The following ACTR3C variants were observed in gnomAD, a reference collection of about 807,000 sequenced individuals.
ACTR3C encodes the protein actin-related protein 3C.
Under a neutral mutation model 26.3 loss-of-function variants are expected in ACTR3C, and 18 were observed. That is an observed-to-expected ratio of 0.68 (90% CI 0.47 to 1.01). The LOEUF (loss-of-function observed/expected upper bound fraction) is 1.01. Among genes scored for constraint, ACTR3C ranks in the 50% least tolerant of loss-of-function variants. The pLI, the probability that ACTR3C is intolerant of heterozygous loss-of-function variation, is 0.00. For missense variants in ACTR3C, 184 were observed against 250.7 expected (o/e 0.73, Z 1.80); for synonymous variants, 55 against 94.5 (o/e 0.58, Z 2.42).
the ACTR3C span, among the ~76,000 whole-genome samples, chr7:150,105,339 C>G: frequency 6.6e-6 from 1 of 152,074 alleles, no homozygotes; most frequent in East Asian, 1.9e-4. Flanking sequence ...GCCTCGGCCT[C>G]CCAAAGTGCT....
the ACTR3C span, among the ~76,000 whole-genome samples, chr7:150,220,033 T>C: frequency 6.8e-6 from 1 of 146,976 alleles, no homozygotes; most frequent in Non-Finnish European, 1.5e-5. Flanking sequence ...GCCCTGCTGC[T>C]GGCCGCGGGT....
At chr7:150,098,191 G>A in the ACTR3C span, among the ~76,000 whole-genome samples, 83 of 151,708 alleles carry the variant, frequency 5.5e-4, 3 homozygotes, top group Non-Finnish European at 1.0e-3. Flanking sequence ...GACTGACCCC[G>A]TACAATAATG....
chr7:150,021,952 A>G, the ACTR3C span, among the ~76,000 whole-genome samples: 1 of 151,864 alleles, frequency 6.6e-6, no homozygotes, highest in Non-Finnish European at 1.5e-5. Flanking sequence ...TCTTTTTCAT[A>G]TAATGACTTA....
the ACTR3C span, among the ~76,000 whole-genome samples, chr7:150,190,494 A>G: frequency 5.3e-5 from 8 of 152,224 alleles, no homozygotes; most frequent in Non-Finnish European, 1.2e-4. Flanking sequence ...AAATTTTCAT[A>G]GATTAAATTT....
the ACTR3C span, among the ~76,000 whole-genome samples, chr7:150,154,229 TA>T: frequency 2.6e-5 from 4 of 151,962 alleles, no homozygotes; most frequent in South Asian, 2.1e-4. Flanking sequence ...ATAATAATAA[TA>T]AAAAAAATTT....
At chr7:150,048,846 C>T in the ACTR3C span, among the ~76,000 whole-genome samples, 1 of 152,258 alleles carries the variant, frequency 6.6e-6, no homozygotes, top group African/African-American at 2.4e-5. Context: ...CGAAACCGCC[C>T]CTTCCCTTCG....
the ACTR3C span, among the ~76,000 whole-genome samples, chr7:150,109,250 C>T: frequency 6.6e-6 from 1 of 151,856 alleles, no homozygotes; most frequent in African/African-American, 2.4e-5. Flanking sequence ...TACTAAAAAC[C>T]TACAAAGGAA....
chr7:150,011,979 C>G, the ACTR3C span, among the ~76,000 whole-genome samples: 1 of 152,094 alleles, frequency 6.6e-6, no homozygotes, highest in Non-Finnish European at 1.5e-5. Context: ...GTACAAGAGG[C>G]GAGAGAGTTT....
At chr7:150,249,790 T>C (rs1406445213) in intron 6 of ACTR3C, among the ~76,000 whole-genome samples, 3 of 152,146 alleles carry the variant, frequency 2.0e-5, no homozygotes, top group Non-Finnish European at 1.5e-5. Flanking sequence ...TATTTGATGT[T>C]TGAAGCAAAA....
At chr7:150,214,563 C>T in the ACTR3C span, among the ~76,000 whole-genome samples, 1 of 151,662 alleles carries the variant, frequency 6.6e-6, no homozygotes, top group African/African-American at 2.4e-5. Context: ...GCCTCAGAGA[C>T]CTGTAAAGCA....
At chr7:150,272,678 T>G (rs1418602784) in intron 6 of ACTR3C, among the ~76,000 whole-genome samples, 2 of 128,880 alleles carry the variant, frequency 1.6e-5, no homozygotes, top group Non-Finnish European at 3.0e-5. Context: ...GTCTTTTTTG[T>G]GTGTTTTTTT....
chr7:150,023,340 T>TAC, the ACTR3C span, among the ~76,000 whole-genome samples: 163 of 93,274 alleles, frequency 1.7e-3, no homozygotes, highest in Middle Eastern at 0.011. Flanking sequence ...CATACATACA[T>TAC]ATATATTTTA....
the ACTR3C span, among the ~76,000 whole-genome samples, chr7:149,902,911 C>T: frequency 2.1e-4 from 13 of 63,322 alleles, no homozygotes; most frequent in African/African-American, 4.7e-4. Flanking sequence ...AGCCACTACA[C>T]TCCAGCCTTA....
At chr7:150,148,481 G>A in the ACTR3C span, among the ~76,000 whole-genome samples, 20 of 151,444 alleles carry the variant, frequency 1.3e-4, no homozygotes, top group Non-Finnish European at 2.2e-4. Flanking sequence ...TGTCTCGGGC[G>A]GAAAAAAAAA....
At chr7:150,090,228 T>C in the ACTR3C span, among the ~76,000 whole-genome samples, 1 of 152,196 alleles carries the variant, frequency 6.6e-6, no homozygotes. Context: ...AATTGATGAG[T>C]TTGACTCTGA....
chr7:150,113,791 A>G, the ACTR3C span, among the ~76,000 whole-genome samples: 2 of 152,228 alleles, frequency 1.3e-5, no homozygotes, highest in Admixed American at 6.5e-5. Flanking sequence ...AAATGAAACA[A>G]TTCAAACCAA....
the ACTR3C span, among the ~76,000 whole-genome samples, chr7:150,006,240 A>T: frequency 4.5e-5 from 5 of 110,824 alleles, no homozygotes; most frequent in East Asian, 1.2e-3. Context: ...TCTGTCGCCC[A>T]GGCTGGAGTG....
the ACTR3C span, among the ~76,000 whole-genome samples, chr7:150,148,787 C>T: frequency 2.0e-5 from 3 of 152,030 alleles, no homozygotes; most frequent in African/African-American, 7.2e-5. Context: ...TATTATCCAT[C>T]CTTCCACTAA....
chr7:149,887,546 G>A, the ACTR3C span, among the ~76,000 whole-genome samples: 349 of 152,316 alleles, frequency 2.3e-3, 2 homozygotes, highest in African/African-American at 8.1e-3. Context: ...TCAGGAGTTG[G>A]TATATAAACT....
Sources: allele counts gnomAD v4.1 joint callset (sites outside exome capture counted in the v4.1 genomes callset), GRCh38; gene constraint gnomAD v4.1.1; transcripts MANE v1.5; gene names NCBI Gene and HGNC (gene_info 2026-07-23, HGNC 2026-07-21).